Variants in GALK2 observed in about 807,000 individuals in gnomAD.
The protein encoded by GALK2 is galactokinase 2.
GALK2 carries 36 observed loss-of-function variants against 52.4 expected under a neutral mutation model. The ratio of observed to expected loss-of-function variants is 0.69; its 90% CI spans 0.53 to 0.91. The LOEUF is 0.91. Among genes scored for constraint, GALK2 ranks in the 40% least tolerant of loss-of-function variants. The pLI is 0.00. For missense variants in GALK2, 579 were observed against 559.1 expected, an observed-to-expected ratio of 1.04 and a Z score of -0.36; for synonymous variants, 176 against 199.1, an observed-to-expected ratio of 0.88 and a Z score of 0.98.
intron 1 of GALK2, among the ~76,000 whole-genome samples, chr15:49,175,520 G>T (rs2085378025): frequency 6.6e-6 from 1 of 152,090 alleles, no homozygotes; most frequent in Non-Finnish European, 1.5e-5. Flanking sequence ...TCACAAATGG[G>T]AATGCTTCTA....
chr15:49,318,366 A>T (rs2036593953), intron 8 of GALK2, among the ~76,000 whole-genome samples: 1 of 152,222 alleles, frequency 6.6e-6, no homozygotes, highest in Admixed American at 6.5e-5. Flanking sequence ...AGAGATAACT[A>T]ATATTAACAT....
chr15:49,340,403 G>GCCCCCCCCCCCCCCCCCC (rs373386438), intron 3 of GALK2, among the ~76,000 whole-genome samples: 7 of 94,380 alleles, frequency 7.4e-5, no homozygotes, highest in African/African-American at 1.2e-4. Context: ...GCAGTGCCCC[G>GCCCCCCCCCCCCCCCCCC]CCCCCCCCCT....
chr15:49,156,499 C>A, intron 1 of GALK2: 1 of 497,960 alleles, frequency 2.0e-6, no homozygotes. Context: ...GTAAAGATGA[C>A]AAGCTGCTGT....
Position 49,328,573 on chromosome 15 carries a change from A to ATTC in GALK2, c.*421_*423dup. On this transcript the variant is annotated 3_prime_UTR_variant, in exon 10 of 10. Transcript: ENST00000560031. ...GAGTTCATTTCTGGTTTCTCTTAGT[A>ATTC]TTCTTCTTCCTCAAAGTTGTAGTTG... 1 of 1,604,146 alleles carries ATTC rather than the reference A, an allele frequency of 6.2e-7. No homozygotes were observed. The highest frequency in any genetic ancestry group is 1.1e-5 in the South Asian group (1 of 89,832).
At chr15:49,183,085 C>A (rs34562714) in intron 1 of GALK2, among the ~76,000 whole-genome samples, 38,913 of 151,918 alleles carry the variant, frequency 0.26, 6,177 homozygotes, top group Non-Finnish European at 0.36. Context: ...GGATGTTTCC[C>A]CAATGTTTTT....
At chr15:49,357,469 A>T (rs2151369367) in intron 3 of GALK2, among the ~76,000 whole-genome samples, 1 of 152,256 alleles carries the variant, frequency 6.6e-6, no homozygotes, top group Middle Eastern at 3.4e-3. Flanking sequence ...CTATGCAAAT[A>T]AACTAGAAAA....
chr15:49,236,478 TA>T (rs939597928), intron 4 of GALK2, among the ~76,000 whole-genome samples: 15 of 152,206 alleles, frequency 9.9e-5, no homozygotes, highest in Admixed American at 3.3e-4. Flanking sequence ...CAGATGGGAT[TA>T]AAAAAAGATA....
chr15:49,291,337 A>G (rs766908941), intron 7 of GALK2, among the ~76,000 whole-genome samples: 1 of 152,256 alleles, frequency 6.6e-6, no homozygotes, highest in Non-Finnish European at 1.5e-5. Flanking sequence ...AACTTCTGTT[A>G]TTAACATTCT....
chr15:49,284,113 C>G (rs2033071908), intron 7 of GALK2, among the ~76,000 whole-genome samples: 1 of 152,030 alleles, frequency 6.6e-6, no homozygotes, highest in Admixed American at 6.6e-5. Flanking sequence ...ATTCGTTACT[C>G]CAAAAATACA....
chr15:49,354,421 T>C (rs1285829615), intron 3 of GALK2, among the ~76,000 whole-genome samples: 2 of 152,172 alleles, frequency 1.3e-5, no homozygotes, highest in African/African-American at 4.8e-5. Flanking sequence ...GGGCGAGGCA[T>C]TGCCTCACTT....
Position 49,329,838 on chromosome 15 carries a change from T to C in GALK2, c.*1679T>C. Reference sequence around the variant, plus strand: ...AAAAAAAAAAAGGCACCTGTCATTGTTTTGCTGTTCCATTTACAATTTTCA... The same window carrying C: ...AAAAAAAAAAAGGCACCTGTCATTGCTTTGCTGTTCCATTTACAATTTTCA... On this transcript the variant is annotated 3_prime_UTR_variant, in exon 10 of 10. Coordinates refer to ENST00000560031, the MANE Select transcript of GALK2 (RefSeq NM_002044.4). 1.2e-6 allele frequency: 1 copy of C among 813,904 alleles called. No homozygotes were observed. Among genetic ancestry groups the C allele is most frequent in the East Asian group, 1.2e-4 (1 of 8,026 alleles). 50.4% of individuals were successfully genotyped at this position (813,904 alleles called of 1,614,324 possible).
In GALK2 at chr15:49,254,135, T is replaced by C. The variant is rs1347650045; in HGVS notation, c.504+14768T>C. ...TGCCTGACATAAAGGAGGCAAGTAATTGGATTGGGTTGAATTAGTGAACTA... is the reference window on the plus strand; with the variant it reads ...TGCCTGACATAAAGGAGGCAAGTAACTGGATTGGGTTGAATTAGTGAACTA... On this transcript the variant is annotated intron_variant, in intron 5 of 9. Coordinates refer to ENST00000560031, the MANE Select transcript of GALK2 (RefSeq NM_002044.4). Among the ~76,000 whole-genome samples the C allele has an allele frequency of 2.1e-5, 3 of 144,408 alleles. No individual in the cohort carries two copies. In the East Asian group the frequency reaches 5.8e-4, roughly 28 times the overall value. 94.7% of individuals were successfully genotyped at this position (144,408 alleles called of 152,430 possible). A position where few individuals can be genotyped will look rare whatever the true frequency, so the allele number is the denominator to read the frequency against.
intron 1 of GALK2, chr15:49,156,117 T>A: frequency 8.9e-7 from 1 of 1,127,522 alleles, no homozygotes; most frequent in South Asian, 1.3e-5. Flanking sequence ...AGTTTACACT[T>A]AATGCTTGTT....
intron 3 of GALK2, chr15:49,225,290 G>A: frequency 2.2e-6 from 1 of 454,394 alleles, no homozygotes; most frequent in South Asian, 1.6e-5. Flanking sequence ...TGTAGAGCAG[G>A]GTTCCCCAAT....
intron 5 of GALK2, among the ~76,000 whole-genome samples, chr15:49,264,083 G>T (rs931717708): frequency 1.3e-5 from 2 of 151,598 alleles, no homozygotes; most frequent in African/African-American, 4.9e-5. Context: ...TCTTTGTGGC[G>T]TTCTCTGGAT....
At chr15:49,255,467 G>A (rs979098011) in intron 5 of GALK2, among the ~76,000 whole-genome samples, 4 of 141,684 alleles carry the variant, frequency 2.8e-5, no homozygotes, top group South Asian at 4.6e-4. Flanking sequence ...GAAGCGTCCA[G>A]GCCAAATTTT....
intron 3 of GALK2, chr15:49,367,428 C>A: frequency 1.3e-6 from 2 of 1,517,628 alleles, no homozygotes; most frequent in East Asian, 2.4e-5. Flanking sequence ...TATATTAAAG[C>A]AAAGCTTTAA....
chr15:49,171,185 C>T (rs1235939548), intron 1 of GALK2, among the ~76,000 whole-genome samples: 2 of 150,718 alleles, frequency 1.3e-5, no homozygotes. Context: ...CAGGTTCAAG[C>T]GATTCTCCTG....
chr15:49,251,172 A>T (rs2091583140), intron 5 of GALK2, among the ~76,000 whole-genome samples: 2 of 152,204 alleles, frequency 1.3e-5, no homozygotes, highest in African/African-American at 4.8e-5. Context: ...CATTGGATAC[A>T]AAAAATTCTG....
Sources: gnomAD v4.1 joint callset for allele counts (sites outside exome capture counted in the v4.1 genomes callset) on GRCh38, gnomAD v4.1.1 for gene constraint, MANE v1.5 for transcripts, NCBI Gene and HGNC (gene_info 2026-07-23, HGNC 2026-07-21) for gene names.